CADM2: variants seen among roughly 807,000 people sequenced by gnomAD.
CADM2 encodes immunoglobulin superfamily member 4D.
Under a neutral mutation model 49.8 loss-of-function variants are expected in CADM2, and 12 were observed. That is an observed-to-expected ratio of 0.24 (90% CI 0.15 to 0.39). CADM2 has a LOEUF of 0.39. Ranked by LOEUF, CADM2 falls within the 10% of genes least tolerant of loss-of-function variation. The pLI is 1.00. For synonymous variants in CADM2, 214 were observed against 175.4 expected (o/e 1.22, Z -1.74); for missense variants, 378 against 492.3 (o/e 0.77, Z 2.20).
chr3:84,960,756 G>T (rs1156271056), intron 1 of CADM2, among the ~76,000 whole-genome samples: 3 of 152,140 alleles, frequency 2.0e-5, no homozygotes, highest in Non-Finnish European at 2.9e-5. Context: ...TTGGAGGAGG[G>T]AGTGAGGGGG....
At chr3:85,809,744 C>T (rs2072712740) in intron 3 of CADM2, among the ~76,000 whole-genome samples, 2 of 124,180 alleles carry the variant, frequency 1.6e-5, no homozygotes, top group African/African-American at 6.9e-5. Flanking sequence ...TCCCTCCCTC[C>T]TCTCTCCCTC....
intron 1 of CADM2, among the ~76,000 whole-genome samples, chr3:85,195,725 A>G (rs188128635): frequency 5.8e-4 from 88 of 152,224 alleles, no homozygotes; most frequent in African/African-American, 1.9e-3. Context: ...CAAAGTTTAT[A>G]GAAAGTTTCT....
chr3:85,200,719 T>A (rs1165064626), intron 1 of CADM2, among the ~76,000 whole-genome samples: 1 of 152,112 alleles, frequency 6.6e-6, no homozygotes, highest in Non-Finnish European at 1.5e-5. Flanking sequence ...AGAGTACAAA[T>A]AAAAATGTTG....
intron 1 of CADM2, among the ~76,000 whole-genome samples, chr3:85,342,576 A>G (rs1312839589): frequency 6.6e-6 from 1 of 152,168 alleles, no homozygotes; most frequent in Non-Finnish European, 1.5e-5. Context: ...TTCTTCATAA[A>G]GTACTAACTG....
chr3:85,431,045 T>C (rs1476966203), intron 1 of CADM2, among the ~76,000 whole-genome samples: 11 of 152,168 alleles, frequency 7.2e-5, no homozygotes, highest in African/African-American at 2.7e-4. Context: ...AACAGTGGTC[T>C]CATAAGATTA....
intron 1 of CADM2, among the ~76,000 whole-genome samples, chr3:85,350,241 A>T (rs1420866373): frequency 6.6e-6 from 1 of 152,098 alleles, no homozygotes; most frequent in Non-Finnish European, 1.5e-5. Context: ...TATCCCATGA[A>T]TTTTTTTCAT....
chr3:85,898,955 AT>A (rs35857247), intron 5 of CADM2, among the ~76,000 whole-genome samples: 7 of 33,916 alleles, frequency 2.1e-4, no homozygotes, highest in East Asian at 1.8e-3. Flanking sequence ...ATATATATAT[AT>A]TTTTTTTTTT....
intron 2 of CADM2, among the ~76,000 whole-genome samples, chr3:85,741,593 G>A (rs534880708): frequency 1.2e-4 from 19 of 152,234 alleles, no homozygotes; most frequent in South Asian, 6.2e-4. Context: ...ACTTGAACCC[G>A]GGAGGCAGAG....
chr3:85,561,015 T>G (rs1332631645), intron 1 of CADM2, among the ~76,000 whole-genome samples: 1 of 152,198 alleles, frequency 6.6e-6, no homozygotes, highest in Non-Finnish European at 1.5e-5. Flanking sequence ...ATGGTTTTGC[T>G]TACTGTTTCA....
At chr3:85,745,763 G>T (rs1466422863) in intron 2 of CADM2, among the ~76,000 whole-genome samples, 1 of 152,166 alleles carries the variant, frequency 6.6e-6, no homozygotes, top group African/African-American at 2.4e-5. Context: ...TACTCAGGAG[G>T]CTGAGGTGGC....
chr3:85,112,002 G>A (rs755993508), intron 1 of CADM2, among the ~76,000 whole-genome samples: 1 of 151,854 alleles, frequency 6.6e-6, no homozygotes, highest in Non-Finnish European at 1.5e-5. Flanking sequence ...ATAAGGGCTA[G>A]TTTGAGATTT....
intron 1 of CADM2, among the ~76,000 whole-genome samples, chr3:85,569,305 C>T (rs1196073225): frequency 6.6e-6 from 1 of 151,980 alleles, no homozygotes; most frequent in Non-Finnish European, 1.5e-5. Flanking sequence ...TTGCTGACTG[C>T]TATTCCATGG....
chr3:85,549,768 C>T (rs1429127229), intron 1 of CADM2, among the ~76,000 whole-genome samples: 1 of 150,026 alleles, frequency 6.7e-6, no homozygotes, highest in Non-Finnish European at 1.5e-5. Context: ...GGATTACAGG[C>T]ATGTGCCACC....
intron 1 of CADM2, among the ~76,000 whole-genome samples, chr3:85,511,578 T>C (rs994402744): frequency 2.5e-4 from 38 of 152,112 alleles, no homozygotes; most frequent in Admixed American, 1.3e-4. Context: ...ATACATTGTA[T>C]GCTGGTGGCA....
At chr3:85,996,102 A>AAAAAAT (rs1209265384) in intron 8 of CADM2, among the ~76,000 whole-genome samples, 2 of 150,434 alleles carry the variant, frequency 1.3e-5, no homozygotes, top group South Asian at 2.1e-4. Context: ...AAAAAAAAAT[A>AAAAAAT]AAAAATAAAA....
In CADM2 at chr3:85,576,392, A is replaced by G. The variant is rs946652624; in HGVS notation, c.62-150130A>G. On this transcript the variant is annotated intron_variant, in intron 1 of 9. Transcript: ENST00000383699. ...ACAAAGAACATCCGACGATTGCTGGATACATCAAATTTGTATTCCTGCTGT... is the reference window on the plus strand; with the variant it reads ...ACAAAGAACATCCGACGATTGCTGGGTACATCAAATTTGTATTCCTGCTGT... Among the ~76,000 whole-genome samples the G allele has an allele frequency of 3.3e-5, 5 of 152,174 alleles. No homozygotes were observed. The South Asian group carries it at 1.0e-3, about 31-fold the overall frequency.
chr3:85,580,885 C>G (rs914650781), intron 1 of CADM2, among the ~76,000 whole-genome samples: 1 of 151,970 alleles, frequency 6.6e-6, no homozygotes, highest in Admixed American at 6.6e-5. Flanking sequence ...TTGTTAAATG[C>G]TAAATGCTTA....
At chr3:85,473,301 A>G (rs949840040) in intron 1 of CADM2, among the ~76,000 whole-genome samples, 7 of 152,096 alleles carry the variant, frequency 4.6e-5, no homozygotes, top group Non-Finnish European at 1.0e-4. Flanking sequence ...TATTTACTGC[A>G]TAACTCATTC....
intron 1 of CADM2, among the ~76,000 whole-genome samples, chr3:85,721,051 A>G (rs1302608471): frequency 1.3e-5 from 2 of 152,188 alleles, no homozygotes; most frequent in Admixed American, 6.5e-5. Context: ...TTTTCTCTGT[A>G]AATTCACCAC....
Sources: gnomAD v4.1 joint callset for allele counts (sites outside exome capture counted in the v4.1 genomes callset) on GRCh38, gnomAD v4.1.1 for gene constraint, MANE v1.5 for transcripts, NCBI Gene and HGNC (gene_info 2026-07-23, HGNC 2026-07-21) for gene names.